Variants in KDM4B observed in about 807,000 individuals in gnomAD.
The protein encoded by KDM4B is lysine-specific demethylase 4B.
KDM4B carries 32 observed loss-of-function variants against 125.2 expected under a neutral mutation model. The observed-to-expected ratio is 0.26, with a 90% confidence interval of 0.19 to 0.34. KDM4B has a LOEUF of 0.34. Ranked by LOEUF, KDM4B falls within the 10% of genes least tolerant of loss-of-function variation. The probability of loss-of-function intolerance (pLI) is 1.00; values close to 1 mark genes in which losing one functional copy is unlikely to be tolerated. For missense variants in KDM4B, 1,190 were observed against 1,577.7 expected (o/e 0.75, Z 4.16); for synonymous variants, 721 against 677.9 (o/e 1.06, Z -0.99).
intron 1 of KDM4B, among the ~76,000 whole-genome samples, chr19:4,982,210 TGAACCTGGGA>T (rs1433695784): frequency 1.3e-5 from 2 of 151,724 alleles, no homozygotes; most frequent in African/African-American, 4.8e-5. Context: ...GAGAATCGCT[TGAACCTGGGA>T]GATGGAGGCT....
intron 10 of KDM4B, among the ~76,000 whole-genome samples, chr19:5,118,295 G>T (rs1462583036): frequency 6.6e-6 from 1 of 152,242 alleles, no homozygotes; most frequent in Non-Finnish European, 1.5e-5. Flanking sequence ...GGAAGCCGCA[G>T]CCGGCATTGG....
At chr19:5,118,228 G>A (rs915299583) in intron 10 of KDM4B, among the ~76,000 whole-genome samples, 5 of 152,216 alleles carry the variant, frequency 3.3e-5, no homozygotes, top group African/African-American at 7.2e-5. Context: ...AGGGACCCCC[G>A]TGGGATTGAG....
intron 9 of KDM4B, among the ~76,000 whole-genome samples, chr19:5,093,768 G>A (rs575539725): frequency 2.6e-5 from 4 of 152,320 alleles, no homozygotes; most frequent in Admixed American, 6.5e-5. Context: ...TGGTCACCGC[G>A]CAGGTCACTG....
chr19:5,143,318 C>CAA (rs11373969), intron 18 of KDM4B, among the ~76,000 whole-genome samples: 2,321 of 144,210 alleles, frequency 0.016, 56 homozygotes, highest in African/African-American at 0.055. Flanking sequence ...CACCCAGGCT[C>CAA]AAAAAAAAAA....
chr19:5,002,390 C>CCTTTA lies in KDM4B; in HGVS notation c.-108-13863_-108-13862insACTTT, dbSNP rs1341599211. ...CTGCAGAGTGTTTTTTTTTCTTTCT[C>CCTTTA]CTTTCCTTTCCTTTCTCTCTCCTTT... On this transcript the variant is annotated intron_variant, in intron 1 of 22. Coordinates refer to ENST00000159111, the MANE Select transcript of KDM4B (RefSeq NM_015015.3). 7.1e-3 allele frequency among the ~76,000 whole-genome samples: 1,069 copies of CCTTTA among 151,074 alleles called. 8 individuals carry two copies. Among genetic ancestry groups the CCTTTA allele is most frequent in the African/African-American group, 0.024 (984 of 41,096 alleles).
At position 5,131,565 on chromosome 19, in the gene KDM4B, G is replaced by A. The variant is rs1568316802; in HGVS notation, c.1785+20G>A. 3.1e-6 allele frequency: 3 copies of A among 979,590 alleles called. No homozygotes were observed. Among genetic ancestry groups the A allele is most frequent in the Admixed American group, 2.4e-5 (1 of 42,418 alleles). 60.7% of individuals were successfully genotyped at this position (979,590 alleles called of 1,614,324 possible). ...GGGCAGGTGGGGTGGAGCGGGGGAG[G>A]CAGGGAGGAGGGGGGCAGGTGGGGT... On this transcript the variant is annotated intron_variant, in intron 12 of 22. Coordinates refer to ENST00000159111, the MANE Select transcript of KDM4B (RefSeq NM_015015.3).
In KDM4B at chr19:5,114,144, G is replaced by C. The variant is rs753859394; in HGVS notation, c.1115+3326G>C. 19 of 1,289,314 alleles carry C rather than the reference G, an allele frequency of 1.5e-5. 1 individual carries two copies. The African/African-American group carries it at 2.4e-4, about 17-fold the overall frequency. 79.9% of individuals were successfully genotyped at this position (1,289,314 alleles called of 1,614,324 possible). On this transcript the variant is annotated intron_variant, in intron 10 of 22. Transcript: ENST00000159111. This position sits in a 1 kb window ranked among gnomAD's most constrained non-coding sequence, Gnocchi z 5.8. Reference sequence around the variant, plus strand: ...CTGCCTGAGCCGGAGCCCTCACAGTGCTCTCTGGCACCCACGCGACGCTCC... The same window carrying C: ...CTGCCTGAGCCGGAGCCCTCACAGTCCTCTCTGGCACCCACGCGACGCTCC...
Position 5,045,622 on chromosome 19 carries a change from C to T in KDM4B, c.433-1854C>T, listed in dbSNP as rs113263420. On this transcript the variant is annotated intron_variant, in intron 5 of 22. Coordinates refer to ENST00000159111, the MANE Select transcript of KDM4B (RefSeq NM_015015.3). ...TGTCACCAGGCTGGAACTACGGTGC[C>T]CACCACCACGCCCAGCTAATTTTTG... 6.7e-3 allele frequency among the ~76,000 whole-genome samples: 1,013 copies of T among 152,078 alleles called. 11 individuals are homozygous for T. Among genetic ancestry groups the T allele is most frequent in the African/African-American group, 0.023 (956 of 41,482 alleles).
chr19:4,987,586 T>C (rs950194364), intron 1 of KDM4B, among the ~76,000 whole-genome samples: 1 of 152,202 alleles, frequency 6.6e-6, no homozygotes, highest in Non-Finnish European at 1.5e-5. Flanking sequence ...TCTTAGCTGT[T>C]AGGCTGATAC....
At chr19:5,068,351 T>C (rs2037841793) in intron 6 of KDM4B, among the ~76,000 whole-genome samples, 1 of 152,148 alleles carries the variant, frequency 6.6e-6, no homozygotes, top group African/African-American at 2.4e-5. Flanking sequence ...CGCAACCCCG[T>C]CCTTTGGACT....
At chr19:5,057,697 G>T (rs1211924033) in intron 6 of KDM4B, among the ~76,000 whole-genome samples, 2 of 152,164 alleles carry the variant, frequency 1.3e-5, no homozygotes, top group Non-Finnish European at 2.9e-5. Context: ...CCCTTGAAGC[G>T]CTGCCCTGTG....
chr19:5,095,108 C>G (rs560878623), intron 9 of KDM4B, among the ~76,000 whole-genome samples: 2 of 152,116 alleles, frequency 1.3e-5, no homozygotes, highest in African/African-American at 4.8e-5. Flanking sequence ...GGCCCCTGCC[C>G]GTCCCCATCC....
chr19:5,104,396 G>A (rs976744780), intron 9 of KDM4B, among the ~76,000 whole-genome samples: 4 of 152,096 alleles, frequency 2.6e-5, no homozygotes, highest in African/African-American at 9.7e-5. Flanking sequence ...CATGGGAGAC[G>A]TGACTCTTTT....
chr19:5,090,636 C>T (rs1163982810), intron 9 of KDM4B, among the ~76,000 whole-genome samples: 4 of 110,782 alleles, frequency 3.6e-5, no homozygotes, highest in African/African-American at 7.4e-5. Flanking sequence ...TGCGCGCGTG[C>T]GCCCCCCTCC....
At chr19:5,122,304 G>C (rs2039375985) in intron 11 of KDM4B, among the ~76,000 whole-genome samples, 1 of 152,142 alleles carries the variant, frequency 6.6e-6, no homozygotes, top group Non-Finnish European at 1.5e-5. Context: ...CTTCTACCCG[G>C]TGAGGACCCT....
chr19:5,009,923 G>A (rs575175653), intron 1 of KDM4B, among the ~76,000 whole-genome samples: 19 of 152,178 alleles, frequency 1.2e-4, no homozygotes, highest in African/African-American at 4.3e-4. Flanking sequence ...GTAGACACAG[G>A]GTTTCACCAT....
chr19:5,054,466 G>A (rs1422343126), intron 6 of KDM4B, among the ~76,000 whole-genome samples: 3 of 44,334 alleles, frequency 6.8e-5, no homozygotes, highest in East Asian at 1.9e-3. Context: ...GAGAGAATGT[G>A]TGTGTGTGTG....
At chr19:5,088,664 C>CA (rs1599593937) in intron 9 of KDM4B, among the ~76,000 whole-genome samples, 1 of 101,380 alleles carries the variant, frequency 9.9e-6, no homozygotes, top group Non-Finnish European at 2.1e-5. Flanking sequence ...GGCCCCCCCC[C>CA]TCCCCCCCCC....
rs139641199 is a variant in KDM4B, at chr19:5,150,540, G to A, written c.3114+90G>A. On this transcript the variant is annotated intron_variant, in intron 22 of 22. Transcript: ENST00000159111. ...GGCACAGACTGCGTCTTCCAATGGC[G>A]TGGACCACCCCCTCCTCTTGCACCT... 4.9e-4 allele frequency: 447 copies of A among 907,978 alleles called. 2 individuals are homozygous for A. The highest frequency in any genetic ancestry group is 7.3e-4 in the South Asian group (48 of 65,344). 56.2% of individuals were successfully genotyped at this position (907,978 alleles called of 1,614,324 possible).
Sources: gnomAD v4.1 joint callset for allele counts (sites outside exome capture counted in the v4.1 genomes callset) on GRCh38, gnomAD v4.1.1 for gene constraint, Gnocchi (gnomAD v3.1) non-coding constraint, MANE v1.5 for transcripts, NCBI Gene and HGNC (gene_info 2026-07-23, HGNC 2026-07-21) for gene names.